DNAAF11: variants seen among roughly 807,000 people sequenced by gnomAD.
The protein encoded by DNAAF11 is dynein axonemal assembly factor 11.
In DNAAF11, 45 loss-of-function variants were observed where a neutral mutation model predicts 60.8. The ratio of observed to expected loss-of-function variants is 0.74; its 90% CI spans 0.58 to 0.95. The LOEUF is 0.95. Among genes scored for constraint, DNAAF11 ranks in the 40% least tolerant of loss-of-function variants. DNAAF11 has a pLI of 0.00. For synonymous variants in DNAAF11, 191 were observed against 183.5 expected (o/e 1.04, Z -0.33); for missense variants, 546 against 546.2 (o/e 1.00, Z 0.00).
At chr8:132,675,570 C>T, upstream of DNAAF11, 1 of 1,418,162 alleles carries the variant, frequency 7.1e-7, no homozygotes, top group Non-Finnish European at 9.5e-7. Context: ...ACCCCTGCTC[C>T]TCAGCGCGTC....
At chr8:132,689,747 A>G in the DNAAF11 span, among the ~76,000 whole-genome samples, 16 of 152,000 alleles carry the variant, frequency 1.1e-4, 1 homozygote, top group African/African-American at 3.9e-4. Flanking sequence ...AGAGAGAGAC[A>G]GTGTCTCACT....
intron 3 of DNAAF11, among the ~76,000 whole-genome samples, chr8:132,650,626 T>A (rs1822911614): frequency 6.6e-6 from 1 of 152,204 alleles, no homozygotes; most frequent in Non-Finnish European, 1.5e-5. Flanking sequence ...CAAAACTATA[T>A]CTACAAATAA....
chr8:132,583,625 A>T, intron 11 of DNAAF11, 69 bp downstream of exon 11: 1 of 1,246,136 alleles, frequency 8.0e-7, no homozygotes, highest in Non-Finnish European at 1.2e-6. Context: ...TGGAAGCTGC[A>T]TTCCAACCAA....
chr8:132,690,616 G>C, the DNAAF11 span, among the ~76,000 whole-genome samples: 2 of 152,066 alleles, frequency 1.3e-5, no homozygotes, highest in Non-Finnish European at 2.9e-5. Flanking sequence ...ATTTTATTTA[G>C]ATTTCCTTAG....
the DNAAF11 span, among the ~76,000 whole-genome samples, chr8:132,695,671 G>T: frequency 2.0e-5 from 3 of 152,140 alleles, no homozygotes; most frequent in African/African-American, 7.2e-5. Flanking sequence ...ATAGGACTTA[G>T]TAAGATGATT....
chr8:132,586,797 C>G (rs1815950799), intron 10 of DNAAF11, among the ~76,000 whole-genome samples: 1 of 152,146 alleles, frequency 6.6e-6, no homozygotes, highest in Non-Finnish European at 1.5e-5. Context: ...TGCATCACAG[C>G]TCAACTTCTC....
At chr8:132,611,495 TA>T (rs1459588535) in intron 8 of DNAAF11, 132 bp from the exon 9 acceptor site, 5 of 519,718 alleles carry the variant, frequency 9.6e-6, no homozygotes, top group Non-Finnish European at 1.7e-5. Flanking sequence ...AATGGGTCTT[TA>T]AAAAATTAGT....
At position 132,572,290 on chromosome 8, in the gene DNAAF11, A is replaced by G; in HGVS notation, c.*16T>C. On this transcript the variant is annotated 3_prime_UTR_variant, in exon 12 of 12. Coordinates refer to ENST00000620350, the MANE Select transcript of DNAAF11 (RefSeq NM_012472.6). The stretch of plus-strand genomic sequence containing the variant: ...GACCTGGTGGGTCTCAGCCAATGGC[A>G]ACGCAGCCAGATGTTTCAAATCAGC... 6.2e-7 allele frequency: 1 copy of G among 1,609,486 alleles called. No individual in the cohort carries two copies. The highest frequency in any genetic ancestry group is 1.3e-5 in the African/African-American group (1 of 74,742).
chr8:132,662,640 G>A (rs1824249849), intron 1 of DNAAF11, among the ~76,000 whole-genome samples: 1 of 152,202 alleles, frequency 6.6e-6, no homozygotes, highest in East Asian at 1.9e-4. Context: ...GTCAGATGAG[G>A]AAGTAAAGCA....
chr8:132,681,869 T>C, the DNAAF11 span, among the ~76,000 whole-genome samples: 1 of 152,204 alleles, frequency 6.6e-6, no homozygotes, highest in African/African-American at 2.4e-5. Flanking sequence ...TACTCCACCG[T>C]TGAGGGCTCA....
At chr8:132,634,542 A>G (rs1381870201) in intron 4 of DNAAF11, among the ~76,000 whole-genome samples, 3 of 152,064 alleles carry the variant, frequency 2.0e-5, no homozygotes, top group African/African-American at 7.2e-5. Context: ...TGGTCCACAT[A>G]CTTAATTTGA....
At chr8:132,600,013 T>C (rs1195678241) in intron 10 of DNAAF11, among the ~76,000 whole-genome samples, 1 of 152,298 alleles carries the variant, frequency 6.6e-6, no homozygotes, top group African/African-American at 2.4e-5. Flanking sequence ...TGATTGTATA[T>C]TTAGAAAACC....
At chr8:132,643,595 C>T (rs1316614981) in intron 3 of DNAAF11, 24 of 454,788 alleles carry the variant, frequency 5.3e-5, no homozygotes, top group Non-Finnish European at 8.8e-5. Flanking sequence ...TGAAAATACA[C>T]GGAGGGTGGG....
chr8:132,663,392 C>A (rs967277053), intron 1 of DNAAF11, among the ~76,000 whole-genome samples: 1 of 152,112 alleles, frequency 6.6e-6, no homozygotes, highest in Non-Finnish European at 1.5e-5. Flanking sequence ...ATGGGTACAG[C>A]CAGAGGATAG....
chr8:132,667,336 ATAAT>A (rs1490693395), intron 1 of DNAAF11, among the ~76,000 whole-genome samples: 2 of 152,224 alleles, frequency 1.3e-5, no homozygotes, highest in Non-Finnish European at 2.9e-5. Flanking sequence ...TGAGGATTAA[ATAAT>A]TAAGTAAAGC....
intron 3 of DNAAF11, among the ~76,000 whole-genome samples, chr8:132,644,768 GGCA>G (rs1822203345): frequency 6.6e-6 from 1 of 152,198 alleles, no homozygotes; most frequent in Admixed American, 6.5e-5. Context: ...ACTGCAAGGC[GGCA>G]GCAAGGCTGG....
In DNAAF11 at chr8:132,625,434, T is replaced by A. The variant is rs751328405; in HGVS notation, c.674A>T (p.Asp225Val). The A allele has an allele frequency of 5.7e-5, 92 of 1,608,932 alleles. No homozygotes were observed. In the South Asian group the frequency reaches 9.3e-4, roughly 16 times the overall value. The stretch of plus-strand genomic sequence containing the variant: ...CTCTGTGTCTGGTGCCTGTAGGTGG[T>A]CTTTGCTCTCTAAAGAGGAACTAGG... ...NATLSSLESK[D>V]HLQAPDTEEH... The change falls in exon 6 of 12, where the codon GAC becomes GTC. Residue 225 changes from aspartate to valine, a missense_variant. Coordinates refer to ENST00000620350, the MANE Select transcript of DNAAF11 (RefSeq NM_012472.6).
rs367605857 is a variant in DNAAF11 at position 132,632,862 on chromosome 8, A to T, written c.531T>A (p.Cys177Ter). ...PQIREQEKDH[C>*]LKRAKLKEEA... ...CTTCCTTGAGTTTGGCTCGTTTAAG[A>T]CAGTGATCTTTTTCCTGCTCTCTGA... Residue 177 changes from cysteine (C) to a stop codon, truncating the protein, a stop_gained, in exon 5 of 12, where the codon TGT becomes TGA. Coordinates refer to ENST00000620350, the MANE Select transcript of DNAAF11 (RefSeq NM_012472.6). LOFTEE classifies it high-confidence loss of function. The T allele has an allele frequency of 2.5e-6, 4 of 1,613,460 alleles. No individual in the cohort carries two copies. The African/African-American group carries it at 5.3e-5, about 22-fold the overall frequency.
At chr8:132,671,063 T>C (rs1476662344) in intron 1 of DNAAF11, among the ~76,000 whole-genome samples, 1 of 152,116 alleles carries the variant, frequency 6.6e-6, no homozygotes, top group African/African-American at 2.4e-5. Flanking sequence ...TTCTCACCAC[T>C]TCAACATTAT....
Sources: allele counts gnomAD v4.1 joint callset (sites outside exome capture counted in the v4.1 genomes callset), GRCh38; gene constraint gnomAD v4.1.1; transcripts MANE v1.5; gene names NCBI Gene and HGNC (gene_info 2026-07-23, HGNC 2026-07-21).